The following AMZ1 variants were observed in gnomAD, a reference collection of about 807,000 sequenced individuals.
The protein encoded by AMZ1 is archaelysin family metallopeptidase 1, also known as archaemetzincin-1.
AMZ1 carries 39 observed loss-of-function variants against 29.9 expected under a neutral mutation model. The observed-to-expected ratio is 1.30, with a 90% CI of 1.01 to 1.70. AMZ1 has a LOEUF of 1.70. AMZ1 is among the 40% of genes most tolerant of loss of function. The probability of loss-of-function intolerance (pLI) is 0.00; values close to 1 mark genes in which losing one functional copy is unlikely to be tolerated. For synonymous variants in AMZ1, 458 were observed against 304.0 expected (o/e 1.51, Z -5.27); for missense variants, 1,041 against 680.6 (o/e 1.53, Z -5.89).
intron 4 of AMZ1, 47 bp from the exon 5 acceptor site, chr7:2,709,028 A>C (rs749076310): frequency 6.6e-7 from 1 of 1,523,302 alleles, no homozygotes; most frequent in Non-Finnish European, 8.8e-7. Context: ...GGCCCCCCAG[A>C]GCCAAGGCTG....
At chr7:2,754,392 T>C (rs1376773578) in intron 4 of AMZ1, among the ~76,000 whole-genome samples, 1 of 152,172 alleles carries the variant, frequency 6.6e-6, no homozygotes, top group African/African-American at 2.4e-5. Context: ...CTTTGTCGGA[T>C]ATGTAGTCAG....
At chr7:2,761,241 T>C (rs144924693), upstream of AMZ1, among the ~76,000 whole-genome samples, 2,052 of 152,106 alleles carry the variant, frequency 0.013, 37 homozygotes, top group Admixed American at 0.043. Flanking sequence ...CTCCCGGCCG[T>C]GGATGGCACA....
chr7:2,695,345 C>G (rs57615459), intron 1 of AMZ1, among the ~76,000 whole-genome samples: 41,599 of 152,012 alleles, frequency 0.27, 5,928 homozygotes, highest in Non-Finnish European at 0.31. Context: ...GGCACAGGCT[C>G]GGTCTGCATA....
intron 4 of AMZ1, among the ~76,000 whole-genome samples, chr7:2,753,048 C>A (rs540453304): frequency 2.0e-5 from 3 of 152,180 alleles, no homozygotes; most frequent in South Asian, 2.1e-4. Context: ...TTGGTAACCA[C>A]GAATCTGATT....
rs1562409543 is a variant in AMZ1 at position 2,757,128 on chromosome 7, C to CTTTTTTTTTTTTTTTTTTTTTTT, written n.551-7584_551-7583insTTTTTTTTTTTTTTTTTTTTTTT. 1.7e-5 allele frequency among the ~76,000 whole-genome samples: 2 copies of CTTTTTTTTTTTTTTTTTTTTTTT among 115,136 alleles called. 1 individual carries two copies. 75.5% of individuals were successfully genotyped at this position (115,136 alleles called of 152,430 possible). On this transcript the variant is annotated intron_variant and non_coding_transcript_variant, in intron 4 of 4. Coordinates refer to the AMZ1 transcript ENST00000489665. ...GGCAGGCCCGATCTAATCAGGTGGG[C>CTTTTTTTTTTTTTTTTTTTTTTT]CTTTTTTTTTTTTTTTTTTTTTTTT... is the stretch of plus-strand genomic sequence containing the variant.
upstream of AMZ1, among the ~76,000 whole-genome samples, chr7:2,685,115 C>G (rs749910312): frequency 6.6e-6 from 1 of 151,642 alleles, no homozygotes; most frequent in African/African-American, 2.4e-5. Flanking sequence ...GTGATCCGCC[C>G]GCCTCGGCCT....
intron 4 of AMZ1, among the ~76,000 whole-genome samples, chr7:2,750,762 C>G (rs1357169085): frequency 1.3e-5 from 2 of 152,188 alleles, no homozygotes; most frequent in Non-Finnish European, 2.9e-5. Context: ...GACTATCGGA[C>G]AGGCATGTCC....
chr7:2,712,282 G>A, intron 6 of AMZ1, 48 bp from the exon 7 acceptor site: 1 of 1,499,760 alleles, frequency 6.7e-7, no homozygotes, highest in Non-Finnish European at 8.9e-7. Context: ...TCCCTGGCTA[G>A]ACAAGGGCTG....
rs577155241 is a variant in AMZ1 at position 2,719,007 on chromosome 7, A to T, written c.*6129A>T. Among the ~76,000 whole-genome samples, 1 of 113,906 alleles carries T rather than the reference A, an allele frequency of 8.8e-6. No homozygotes were observed. Among genetic ancestry groups the T allele is most frequent in the South Asian group, 2.5e-4 (1 of 3,974 alleles). 74.7% of individuals were successfully genotyped at this position (113,906 alleles called of 152,430 possible). ...GGGAGGGAAGCTGCAAGAACAGGCGACTTTTTTTTTTTTTTTTCCCCCCCA... is the reference window on the plus strand; with the variant it reads ...GGGAGGGAAGCTGCAAGAACAGGCGTCTTTTTTTTTTTTTTTTCCCCCCCA... On this transcript the variant is annotated 3_prime_UTR_variant, in exon 7 of 7. Transcript: ENST00000683327.
At chr7:2,699,033 G>A (rs968272618) in intron 1 of AMZ1, among the ~76,000 whole-genome samples, 3 of 152,042 alleles carry the variant, frequency 2.0e-5, no homozygotes, top group Admixed American at 6.6e-5. Flanking sequence ...CTATTCACAC[G>A]TCCTTAGCTG....
chr7:2,685,473 G>A (rs1019394759), upstream of AMZ1, among the ~76,000 whole-genome samples: 12 of 151,528 alleles, frequency 7.9e-5, no homozygotes, highest in South Asian at 2.1e-4. Flanking sequence ...CAGGAGAATC[G>A]CTTGAACCCA....
chr7:2,750,881 AAT>A (rs1203216139), intron 4 of AMZ1, among the ~76,000 whole-genome samples: 1 of 152,226 alleles, frequency 6.6e-6, no homozygotes, highest in East Asian at 1.9e-4. Context: ...ATAACTGATT[AAT>A]ATGAGGGTGC....
downstream of AMZ1, among the ~76,000 whole-genome samples, chr7:2,720,794 G>T (rs1344069483): frequency 6.6e-6 from 1 of 152,122 alleles, no homozygotes; most frequent in East Asian, 1.9e-4. Flanking sequence ...TCCTGCCTCA[G>T]CCTCCTAAGT....
chr7:2,697,802 A>G (rs1787831773), intron 1 of AMZ1, among the ~76,000 whole-genome samples: 1 of 152,210 alleles, frequency 6.6e-6, no homozygotes, highest in Non-Finnish European at 1.5e-5. Context: ...ACAGGATTAT[A>G]TATGCAGTTG....
intron 1 of AMZ1, among the ~76,000 whole-genome samples, chr7:2,693,206 A>G (rs1279501682): frequency 6.6e-6 from 1 of 151,490 alleles, no homozygotes; most frequent in East Asian, 2.0e-4. Context: ...AGTTTAAGCA[A>G]TTCTTCTGAG....
At chr7:2,743,046 C>G (rs1191857623) in intron 4 of AMZ1, among the ~76,000 whole-genome samples, 1 of 152,140 alleles carries the variant, frequency 6.6e-6, no homozygotes, top group Non-Finnish European at 1.5e-5. Flanking sequence ...GCCAGGAGAA[C>G]AAGAGGACAG....
intron 4 of AMZ1, among the ~76,000 whole-genome samples, chr7:2,756,230 A>C (rs1293491862): frequency 6.6e-6 from 1 of 152,228 alleles, no homozygotes; most frequent in Admixed American, 6.5e-5. Flanking sequence ...GGTGCTGGAA[A>C]AACTGGTGAT....
At chr7:2,695,733 G>A (rs534333689) in intron 1 of AMZ1, among the ~76,000 whole-genome samples, 8 of 151,206 alleles carry the variant, frequency 5.3e-5, no homozygotes, top group South Asian at 2.1e-4. Context: ...AAAAAAGGCC[G>A]GGCGCAGTGG....
At chr7:2,733,981 C>G (rs530006965) in intron 4 of AMZ1, among the ~76,000 whole-genome samples, 2 of 152,234 alleles carry the variant, frequency 1.3e-5, no homozygotes, top group Admixed American at 1.3e-4. Flanking sequence ...AGCAAAACAT[C>G]TTCCAGTTTC....
Sources: allele counts gnomAD v4.1 joint callset (sites outside exome capture counted in the v4.1 genomes callset), GRCh38; gene constraint gnomAD v4.1.1; transcripts MANE v1.5; gene names NCBI Gene and HGNC (gene_info 2026-07-23, HGNC 2026-07-21).